The following ADK variants were observed in gnomAD, a reference collection of about 807,000 sequenced individuals.
ADK encodes the protein N6,N6-dimethyladenosine kinase.
Under a neutral mutation model 44.7 loss-of-function variants are expected in ADK, and 24 were observed. The observed-to-expected ratio is 0.54, with a 90% confidence interval of 0.39 to 0.76. The LOEUF is 0.76. Ranked by LOEUF, ADK falls within the 30% of genes least tolerant of loss-of-function variation. The pLI is 0.00. For missense variants in ADK, 321 were observed against 425.1 expected, an observed-to-expected ratio of 0.76 and a Z score of 2.15; for synonymous variants, 128 against 142.6, an observed-to-expected ratio of 0.90 and a Z score of 0.73.
At chr10:74,456,909 C>T (rs572192771) in intron 6 of ADK, among the ~76,000 whole-genome samples, 31 of 151,994 alleles carry the variant, frequency 2.0e-4, no homozygotes, top group African/African-American at 3.9e-4. Context: ...ACTAACATCA[C>T]GATGAAAAGA....
intron 9 of ADK, among the ~76,000 whole-genome samples, chr10:74,669,755 A>T (rs899779660): frequency 3.9e-5 from 6 of 152,188 alleles, no homozygotes; most frequent in Middle Eastern, 3.2e-3. Context: ...ATATTTTTTT[A>T]AATTTACAAC....
intron 1 of ADK, among the ~76,000 whole-genome samples, chr10:74,154,337 C>T (rs537370141): frequency 1.3e-4 from 20 of 152,244 alleles, no homozygotes; most frequent in Middle Eastern, 3.4e-3. Flanking sequence ...GGCACCATCT[C>T]GGCTCACTGC....
intron 3 of ADK, among the ~76,000 whole-genome samples, chr10:74,311,408 A>G (rs1592028549): frequency 6.6e-6 from 1 of 152,206 alleles, no homozygotes; most frequent in African/African-American, 2.4e-5. Context: ...TAATTCTGCT[A>G]TTCTTCAGGA....
chr10:74,257,610 A>G (rs1331140520), intron 3 of ADK, among the ~76,000 whole-genome samples: 1 of 152,202 alleles, frequency 6.6e-6, no homozygotes, highest in African/African-American at 2.4e-5. Context: ...GTCTTTCTAT[A>G]TGACATTCTT....
At chr10:74,576,519 A>G (rs896464600) in intron 7 of ADK, among the ~76,000 whole-genome samples, 1 of 152,174 alleles carries the variant, frequency 6.6e-6, no homozygotes, top group Non-Finnish European at 1.5e-5. Context: ...ATGTTACACT[A>G]TGCAGAAATC....
At chr10:74,225,029 TC>T (rs1844479320) in intron 3 of ADK, among the ~76,000 whole-genome samples, 1 of 152,254 alleles carries the variant, frequency 6.6e-6, no homozygotes, top group South Asian at 2.1e-4. Context: ...TTTGTTTCTG[TC>T]ACTGGTTTAT....
intron 9 of ADK, among the ~76,000 whole-genome samples, chr10:74,635,873 C>T (rs1853605949): frequency 6.7e-6 from 1 of 150,190 alleles, no homozygotes; most frequent in African/African-American, 2.5e-5. Context: ...TGTATGAGGC[C>T]AGGGATTGGA....
Position 74,708,477 on chromosome 10 carries a change from C to T in ADK, c.*32C>T. 1 of 1,604,454 alleles carries T rather than the reference C, an allele frequency of 6.2e-7. No individual in the cohort carries two copies. The highest frequency in any genetic ancestry group is 8.5e-7 in the Non-Finnish European group (1 of 1,176,724). ...AGCTGAAAACACAAGCCCAGGAGTGCAGACACTGCCCTAATTGCTTCCTGA... is the reference window on the plus strand; with the variant it reads ...AGCTGAAAACACAAGCCCAGGAGTGTAGACACTGCCCTAATTGCTTCCTGA... On this transcript the variant is annotated 3_prime_UTR_variant, in exon 11 of 11. Coordinates refer to ENST00000539909, the MANE Select transcript of ADK (RefSeq NM_006721.4).
At chr10:74,203,294 C>A (rs1843464476) in intron 2 of ADK, among the ~76,000 whole-genome samples, 1 of 151,420 alleles carries the variant, frequency 6.6e-6, no homozygotes, top group African/African-American at 2.4e-5. Flanking sequence ...CCATTCTATT[C>A]CATTGATACA....
chr10:74,606,161 C>T (rs751082446), intron 9 of ADK, among the ~76,000 whole-genome samples: 27 of 152,058 alleles, frequency 1.8e-4, no homozygotes, highest in Non-Finnish European at 3.1e-4. Flanking sequence ...AGCTAGCAGT[C>T]TATCTATTTT....
At chr10:74,621,831 A>G (rs1419439427) in intron 9 of ADK, among the ~76,000 whole-genome samples, 2 of 152,146 alleles carry the variant, frequency 1.3e-5, no homozygotes, top group African/African-American at 2.4e-5. Context: ...AGCCACCTCA[A>G]GGTTGGGTTA....
chr10:74,668,132 T>G (rs1855033064), intron 9 of ADK, among the ~76,000 whole-genome samples: 1 of 152,206 alleles, frequency 6.6e-6, no homozygotes, highest in Non-Finnish European at 1.5e-5. Flanking sequence ...TTTTACTTAT[T>G]TAGTACCTGT....
chr10:74,572,966 G>T (rs1489146002), intron 7 of ADK, among the ~76,000 whole-genome samples: 1 of 152,082 alleles, frequency 6.6e-6, no homozygotes. Flanking sequence ...CTGTAGCTCG[G>T]AGTAGTTTGA....
chr10:74,316,617 C>T (rs1260978660), intron 4 of ADK, among the ~76,000 whole-genome samples: 1 of 152,180 alleles, frequency 6.6e-6, no homozygotes, highest in African/African-American at 2.4e-5. Context: ...TATAAGTTTT[C>T]AGAGGCCTTT....
rs1464117214 is a variant in ADK, at chr10:74,651,105, G to A, written c.878-19078G>A. 2.0e-5 allele frequency among the ~76,000 whole-genome samples: 3 copies of A among 152,160 alleles called. 1 individual carries two copies. Among genetic ancestry groups the A allele is most frequent in the Admixed American group, 2.0e-4 (3 of 15,270 alleles). ...ATATTTGGGGTGGTGGTGGGGAAAT[G>A]GAGGCATCAGCTAGGGATAGTTTAG... On this transcript the variant is annotated intron_variant, in intron 9 of 10. Transcript: ENST00000539909.
At chr10:74,550,741 G>T (rs1850005658) in intron 7 of ADK, among the ~76,000 whole-genome samples, 1 of 152,102 alleles carries the variant, frequency 6.6e-6, no homozygotes, top group Non-Finnish European at 1.5e-5. Flanking sequence ...AAAGAATATA[G>T]GCCTACCAGT....
chr10:74,482,120 T>A (rs1847096076), intron 6 of ADK, among the ~76,000 whole-genome samples: 1 of 152,182 alleles, frequency 6.6e-6, no homozygotes, highest in Non-Finnish European at 1.5e-5. Flanking sequence ...TGCACTACTA[T>A]GAAGAAATAC....
chr10:74,624,842 A>G (rs1474896969), intron 9 of ADK, among the ~76,000 whole-genome samples: 3 of 152,060 alleles, frequency 2.0e-5, no homozygotes, highest in African/African-American at 7.2e-5. Flanking sequence ...GAATTTGTGT[A>G]TTGGTTGAGG....
At chr10:74,153,141 G>A (rs1345841986) in intron 1 of ADK, among the ~76,000 whole-genome samples, 1 of 152,194 alleles carries the variant, frequency 6.6e-6, no homozygotes, top group African/African-American at 2.4e-5. Context: ...TGCAGCATCA[G>A]TGGGAACAAA....
Sources: gnomAD v4.1 joint callset for allele counts (sites outside exome capture counted in the v4.1 genomes callset) on GRCh38, gnomAD v4.1.1 for gene constraint, MANE v1.5 for transcripts, NCBI Gene and HGNC (gene_info 2026-07-23, HGNC 2026-07-21) for gene names.